ZNF578: variants seen among roughly 807,000 people sequenced by gnomAD.
The protein encoded by ZNF578 is zinc finger protein 578, also known as Putative chemokine-related protein B42.
ZNF578 carries 8 observed loss-of-function variants against 8.3 expected under a neutral mutation model. The ratio of observed to expected loss-of-function variants is 0.96; its 90% CI spans 0.56 to 1.74. The LOEUF (loss-of-function observed/expected upper bound fraction) is 1.74, where lower values mean the gene tolerates loss of function less well. Among genes scored for constraint, ZNF578 ranks in the 40% most tolerant of loss-of-function variants. The probability of loss-of-function intolerance (pLI) is 0.00; values close to 1 mark genes in which losing one functional copy is unlikely to be tolerated. For synonymous variants in ZNF578, 206 were observed against 232.2 expected (o/e 0.89, Z 1.03); for missense variants, 726 against 707.5 (o/e 1.03, Z -0.30).
chr19:52,466,025 A>C (rs2059273998), intron 2 of ZNF578, among the ~76,000 whole-genome samples: 2 of 152,234 alleles, frequency 1.3e-5, no homozygotes, highest in African/African-American at 4.8e-5. Flanking sequence ...GGTGGGGGCC[A>C]CGGGGCCAGA....
At chr19:52,487,690 C>T (rs1374361861) in intron 2 of ZNF578, among the ~76,000 whole-genome samples, 1 of 148,958 alleles carries the variant, frequency 6.7e-6, no homozygotes, top group African/African-American at 2.5e-5. Context: ...GAGTGCAGTG[C>T]GTGATCTCCT....
intron 4 of ZNF578, among the ~76,000 whole-genome samples, 182 bp downstream of exon 4, chr19:52,502,090 A>AG (rs2059410026): frequency 6.6e-6 from 1 of 152,158 alleles, no homozygotes; most frequent in Non-Finnish European, 1.5e-5. Flanking sequence ...TGCTCAAAAG[A>AG]ATTCCATCTC....
rs1453792134 is a variant in ZNF578, at chr19:52,514,154, G to C, written c.*2000G>C. 6.6e-6 allele frequency among the ~76,000 whole-genome samples: 1 copy of C among 151,768 alleles called. No individual in the cohort carries two copies. Among genetic ancestry groups the C allele is most frequent in the African/African-American group, 2.4e-5 (1 of 41,268 alleles). On this transcript the variant is annotated 3_prime_UTR_variant, in exon 6 of 6. Coordinates refer to ENST00000421239, the MANE Select transcript of ZNF578 (RefSeq NM_001099694.2). Reference sequence around the variant, plus strand: ...TTTTTCTTTTTTGCAGATTGAGTTTGAGATATATCTTAGTTTTAATAGTTT... The same window carrying C: ...TTTTTCTTTTTTGCAGATTGAGTTTCAGATATATCTTAGTTTTAATAGTTT...
chr19:52,478,003 T>C (rs1197360308), intron 2 of ZNF578, among the ~76,000 whole-genome samples: 1 of 152,178 alleles, frequency 6.6e-6, no homozygotes, highest in Non-Finnish European at 1.5e-5. Context: ...ATAAGCAGCG[T>C]CTGGGAGTGC....
intron 2 of ZNF578, among the ~76,000 whole-genome samples, chr19:52,487,434 A>G (rs2059349428): frequency 6.6e-6 from 1 of 152,164 alleles, no homozygotes; most frequent in Non-Finnish European, 1.5e-5. Flanking sequence ...CAGATTGAGA[A>G]TTTTAAAATT....
intron 3 of ZNF578, among the ~76,000 whole-genome samples, chr19:52,492,649 CAG>C (rs2122887596): frequency 6.6e-6 from 1 of 152,296 alleles, no homozygotes; most frequent in East Asian, 1.9e-4. Context: ...ACCCAAAAAA[CAG>C]AGGAGCTGCC....
In ZNF578 at chr19:52,487,783, C is replaced by G. The variant is rs10410851; in HGVS notation, c.-121-3541C>G. On this transcript the variant is annotated intron_variant, in intron 2 of 5. Transcript: ENST00000421239. ...TAGCTGGGACCACAGCCATGAGCCA[C>G]CAAGCCCGGCTAGTTTTCGTATTTT... 1.2e-3 allele frequency among the ~76,000 whole-genome samples: 178 copies of G among 152,196 alleles called. 2 individuals are homozygous for G. Among genetic ancestry groups the G allele is most frequent in the African/African-American group, 4.1e-3 (170 of 41,500 alleles).
At chr19:52,468,874 G>C (rs1020423805) in intron 2 of ZNF578, among the ~76,000 whole-genome samples, 10 of 152,154 alleles carry the variant, frequency 6.6e-5, no homozygotes, top group Admixed American at 3.9e-4. Flanking sequence ...TCAGCCTTTG[G>C]ACTCTGGGAC....
intron 3 of ZNF578, chr19:52,492,726 GTC>G (rs996413513): frequency 5.9e-5 from 9 of 152,228 alleles, no homozygotes; most frequent in African/African-American, 2.2e-4. Context: ...AAAGGGCAAG[GTC>G]TCTCCGCCTC....
Position 52,510,641 on chromosome 19 carries a change from C to T in ZNF578, c.260C>T (p.Thr87Ile). The T allele has an allele frequency of 2.0e-5, 32 of 1,608,882 alleles. No individual in the cohort carries two copies. The highest frequency in any genetic ancestry group is 2.6e-5 in the Non-Finnish European group (31 of 1,177,806). ...TGQGNTEVIH[T>I]GMLQRHESYH... ...CAAGGCAATACAGAAGTGATCCACA[C>T]AGGGATGTTGCAAAGACATGAAAGT... The change falls in exon 6 of 6, where the codon ACA becomes ATA. Residue 87 changes from threonine (T) to isoleucine (I), a missense_variant. Physicochemically the swap from Thr to Ile is moderately conservative, Grantham distance 89. Transcript: ENST00000421239.
Position 52,467,143 on chromosome 19 carries a change from T to C in ZNF578, c.-122+10185T>C, listed in dbSNP as rs143198448. Among the ~76,000 whole-genome samples the C allele has an allele frequency of 3.1e-3, 479 of 152,120 alleles. 5 individuals carry two copies. Among genetic ancestry groups the C allele is most frequent in the African/African-American group, 0.011 (460 of 41,510 alleles). ...CTTCTGCCTCAGCCTCCCAAATAGC[T>C]GGGATTATAGGTGCATGACACCACA... is the stretch of plus-strand genomic sequence containing the variant. On this transcript the variant is annotated intron_variant, in intron 2 of 5. Coordinates refer to ENST00000421239, the MANE Select transcript of ZNF578 (RefSeq NM_001099694.2).
Position 52,459,650 on chromosome 19 carries a change from C to CACAT in ZNF578, c.-122+2693_-122+2694insCATA, listed in dbSNP as rs1340389548. Among the ~76,000 whole-genome samples, 208 of 84,782 alleles carry CACAT rather than the reference C, an allele frequency of 2.5e-3. 2 individuals carry two copies. The highest frequency in any genetic ancestry group is 7.0e-3 in the African/African-American group (190 of 27,336). The allele number at this position is 84,782 out of a possible 152,430, so 55.6% of individuals were successfully genotyped here. A position where few individuals can be genotyped will look rare whatever the true frequency, so the allele number is the denominator to read the frequency against. On this transcript the variant is annotated intron_variant, in intron 2 of 5. Coordinates refer to ENST00000421239, the MANE Select transcript of ZNF578 (RefSeq NM_001099694.2). ...ACACACACACACACACACACACACA[C>CACAT]ATATATATACTACCATATGATCCAG...
intron 5 of ZNF578, among the ~76,000 whole-genome samples, chr19:52,508,075 G>A (rs1238244659): frequency 2.0e-5 from 3 of 151,900 alleles, no homozygotes; most frequent in Non-Finnish European, 4.4e-5. Context: ...GGCGGGGCAC[G>A]GTGGCTCATG....
At chr19:52,466,668 T>C (rs953717234) in intron 2 of ZNF578, among the ~76,000 whole-genome samples, 2 of 152,230 alleles carry the variant, frequency 1.3e-5, no homozygotes, top group African/African-American at 4.8e-5. Context: ...AACTCACTTG[T>C]GGACAACTGT....
rs543906830 is a variant in ZNF578 at position 52,512,408 on chromosome 19, A to G, written c.*254A>G. 5 of 1,462,530 alleles carry G rather than the reference A, an allele frequency of 3.4e-6. No individual in the cohort carries two copies. In the East Asian group the frequency reaches 1.1e-4, roughly 33 times the overall value. The allele number at this position is 1,462,530 out of a possible 1,614,324, so 90.6% of individuals were successfully genotyped here. On this transcript the variant is annotated 3_prime_UTR_variant, in exon 6 of 6. Coordinates refer to ENST00000421239, the MANE Select transcript of ZNF578 (RefSeq NM_001099694.2). ...ACGATTGCAAATCATTGGAGAATCCATAATGAAGAGAGATCTTCCGAGTGT... is the reference window on the plus strand; with the variant it reads ...ACGATTGCAAATCATTGGAGAATCCGTAATGAAGAGAGATCTTCCGAGTGT...
chr19:52,489,966 A>G (rs1337204523), intron 2 of ZNF578, among the ~76,000 whole-genome samples: 1 of 152,168 alleles, frequency 6.6e-6, no homozygotes, highest in Non-Finnish European at 1.5e-5. Flanking sequence ...ACCCATGACC[A>G]AATTCTCTCA....
chr19:52,490,360 G>T (rs2059361192), intron 2 of ZNF578, among the ~76,000 whole-genome samples: 1 of 152,160 alleles, frequency 6.6e-6, no homozygotes, highest in Admixed American at 6.5e-5. Context: ...ATGTATTTCA[G>T]TTCTTACAGT....
At chr19:52,501,792 T>G in intron 3 of ZNF578, 35 bp from the exon 4 acceptor site, 1 of 1,605,766 alleles carries the variant, frequency 6.2e-7, no homozygotes, top group East Asian at 2.2e-5. Flanking sequence ...GTGAGTCATA[T>G]CTAACCTGAA....
At chr19:52,481,304 G>A (rs941421274) in intron 2 of ZNF578, among the ~76,000 whole-genome samples, 1 of 152,158 alleles carries the variant, frequency 6.6e-6, no homozygotes, top group African/African-American at 2.4e-5. Context: ...TGGGTGCCAT[G>A]TTGCCGTGGA....
Sources: allele counts gnomAD v4.1 joint callset (sites outside exome capture counted in the v4.1 genomes callset), GRCh38; gene constraint gnomAD v4.1.1; transcripts MANE v1.5; gene names NCBI Gene and HGNC (gene_info 2026-07-23, HGNC 2026-07-21).